SBNO1: variants seen among roughly 807,000 people sequenced by gnomAD.
The protein encoded by SBNO1 is strawberry notch homolog 1.
A neutral mutation model predicts 173.6 loss-of-function variants in SBNO1; 23 were observed. The ratio of observed to expected loss-of-function variants is 0.13; its 90% CI spans 0.10 to 0.19. The LOEUF is 0.19. Among genes scored for constraint, SBNO1 ranks in the 10% least tolerant of loss-of-function variants. SBNO1 has a pLI of 1.00. For missense variants in SBNO1, 1,238 were observed against 1,671.2 expected, an observed-to-expected ratio of 0.74 and a Z score of 4.52; for synonymous variants, 632 against 571.5, an observed-to-expected ratio of 1.11 and a Z score of -1.51.
rs2048516507 is a variant in SBNO1, at chr12:123,291,751, AG to A, written c.*4156del. ...TCAAGAAAAGAATAAATAGAGCTGA[AG>A]GGAAGAGGGAAAAGGGAGAAACAGG... On this transcript the variant is annotated 3_prime_UTR_variant, in exon 32 of 32. Coordinates refer to ENST00000602398, the MANE Select transcript of SBNO1 (RefSeq NM_001167856.3). 6.6e-6 allele frequency: 1 copy of A among 151,336 alleles called. No homozygotes were observed. The highest frequency in any genetic ancestry group is 2.1e-4 in the South Asian group (1 of 4,794). 9.4% of individuals were successfully genotyped at this position (151,336 alleles called of 1,614,324 possible).
chr12:123,338,913 C>G (rs75515601), intron 5 of SBNO1, among the ~76,000 whole-genome samples: 1 of 2,570 alleles, frequency 3.9e-4, no homozygotes, highest in Admixed American at 4.1e-3. Flanking sequence ...CACACACACG[C>G]CCCCCCCCCC....
intron 14 of SBNO1, 60 bp downstream of exon 14, chr12:123,326,092 A>G: frequency 8.6e-7 from 1 of 1,156,290 alleles, no homozygotes; most frequent in Non-Finnish European, 1.2e-6. Flanking sequence ...AAACCTCAGC[A>G]CCCACAAAGA....
chr12:123,316,758 A>G (rs117388497), intron 21 of SBNO1, among the ~76,000 whole-genome samples: 4,362 of 145,462 alleles, frequency 0.03, 87 homozygotes, highest in Middle Eastern at 0.05. Flanking sequence ...GCTGGAGTGC[A>G]ATAGCGTGAT....
chr12:123,289,960 C>T lies in SBNO1; in HGVS notation c.*5948G>A, dbSNP rs537606827. ...AAGGGCAGGGTACTGGTTAGGGGCC[C>T]GCAGTGGAAAAGCCAGACAGGTTCT... On this transcript the variant is annotated 3_prime_UTR_variant, in exon 32 of 32. Transcript: ENST00000602398. The T allele has an allele frequency of 6.6e-6, 1 of 152,370 alleles. No homozygotes were observed. Among genetic ancestry groups the T allele is most frequent in the South Asian group, 2.1e-4 (1 of 4,834 alleles). The allele number at this position is 152,370 out of a possible 1,614,324, so 9.4% of individuals were successfully genotyped here.
In SBNO1 at chr12:123,309,704, A is replaced by G. The variant is rs745799190; in HGVS notation, c.3442+6T>C. 6.2e-7 allele frequency: 1 copy of G among 1,610,722 alleles called. No homozygotes were observed. The highest frequency in any genetic ancestry group is 8.5e-7 in the Non-Finnish European group (1 of 1,178,810). ...ACATTGTGGGGGGGAAATTTTCCCT[A>G]CTTACCTAAGATTCCCATATCATAT... On this transcript the variant is annotated splice_donor_region_variant and intron_variant, in intron 26 of 31. Coordinates refer to ENST00000602398, the MANE Select transcript of SBNO1 (RefSeq NM_001167856.3).
intron 22 of SBNO1, 26 bp from the exon 23 acceptor site, chr12:123,315,470 A>G (rs1255559963): frequency 6.2e-7 from 1 of 1,601,208 alleles, no homozygotes; most frequent in Non-Finnish European, 8.6e-7. Flanking sequence ...ATTTCAATCA[A>G]GGCACAGGTA....
intron 1 of SBNO1, among the ~76,000 whole-genome samples, chr12:123,354,847 GTCTC>G (rs1463515905): frequency 1.4e-5 from 2 of 141,664 alleles, no homozygotes; most frequent in African/African-American, 5.3e-5. Flanking sequence ...ACCACGGAAG[GTCTC>G]TCTCTCAAAC....
intron 28 of SBNO1, among the ~76,000 whole-genome samples, chr12:123,306,467 T>C (rs1185527276): frequency 2.6e-5 from 4 of 152,194 alleles, no homozygotes; most frequent in Non-Finnish European, 4.4e-5. Context: ...GGACCAGTAT[T>C]ATCACATCCT....
rs1006168792 is a variant in SBNO1, at chr12:123,295,647, C to T, written c.*261G>A. The T allele has an allele frequency of 7.0e-6, 3 of 426,282 alleles. No individual in the cohort carries two copies. The highest frequency in any genetic ancestry group is 2.0e-5 in the African/African-American group (1 of 50,646). 26.4% of individuals were successfully genotyped at this position (426,282 alleles called of 1,614,324 possible). A position where few individuals can be genotyped will look rare whatever the true frequency, so the allele number is the denominator to read the frequency against. On this transcript the variant is annotated 3_prime_UTR_variant, in exon 32 of 32. Coordinates refer to ENST00000602398, the MANE Select transcript of SBNO1 (RefSeq NM_001167856.3). ...ACAGACTGACACACACGCACACACACATCCCCCTCTGCTCACCCGAAGTAA... is the reference window on the plus strand; with the variant it reads ...ACAGACTGACACACACGCACACACATATCCCCCTCTGCTCACCCGAAGTAA...
At chr12:123,299,681 CAAA>C (rs538218167) in intron 30 of SBNO1, among the ~76,000 whole-genome samples, 1 of 93,894 alleles carries the variant, frequency 1.1e-5, no homozygotes, top group Admixed American at 1.3e-4. Flanking sequence ...ACTCTGTCTT[CAAA>C]AAAAAAAAAA....
At chr12:123,362,328 T>C (rs1274140246) in intron 1 of SBNO1, among the ~76,000 whole-genome samples, 2 of 140,380 alleles carry the variant, frequency 1.4e-5, no homozygotes, top group African/African-American at 5.4e-5. Context: ...CCCAGCTACT[T>C]GGGAGGCTGA....
Position 123,364,814 on chromosome 12 carries a change from C to A in SBNO1, c.-114G>T. On this transcript the variant is annotated 5_prime_UTR_variant, in exon 1 of 32. Transcript: ENST00000602398. Reference sequence around the variant, plus strand: ...GCGGCGGCAGCAGCGGCGTCCTGCTCTGCCTACCTCCCCGCCGCCATCTTG... The same window carrying A: ...GCGGCGGCAGCAGCGGCGTCCTGCTATGCCTACCTCCCCGCCGCCATCTTG... 1.0e-6 allele frequency: 1 copy of A among 979,720 alleles called. No individual in the cohort carries two copies. The highest frequency in any genetic ancestry group is 4.6e-5 in the South Asian group (1 of 21,516). The allele number at this position is 979,720 out of a possible 1,614,324, so 60.7% of individuals were successfully genotyped here.
At chr12:123,300,600 G>C (rs913655227) in intron 30 of SBNO1, among the ~76,000 whole-genome samples, 2 of 151,748 alleles carry the variant, frequency 1.3e-5, no homozygotes, top group African/African-American at 2.4e-5. Flanking sequence ...GGAGCTTGCA[G>C]TGAGCCGAGA....
intron 25 of SBNO1, among the ~76,000 whole-genome samples, chr12:123,310,527 C>T (rs1056959936): frequency 2.7e-5 from 4 of 150,924 alleles, no homozygotes; most frequent in Non-Finnish European, 5.9e-5. Flanking sequence ...CCACCGCGCC[C>T]GACCAATTTT....
At chr12:123,339,505 AC>A (rs1294677843) in intron 5 of SBNO1, among the ~76,000 whole-genome samples, 2 of 151,518 alleles carry the variant, frequency 1.3e-5, no homozygotes, top group African/African-American at 4.9e-5. Context: ...AGTCCTTCAA[AC>A]TCAATTCAGC....
rs557150787 is a variant in SBNO1, at chr12:123,311,590, G to C, written c.3221-461C>G. 7.3e-5 allele frequency among the ~76,000 whole-genome samples: 11 copies of C among 151,366 alleles called. No individual in the cohort carries two copies. In the South Asian group the frequency reaches 2.3e-3, roughly 32 times the overall value. ...GGCTGGTCTCAAACTCCTAACCTCC[G>C]GAGATCCACCCGGCTCGGCCTCCCA... is the stretch of plus-strand genomic sequence containing the variant. On this transcript the variant is annotated intron_variant, in intron 24 of 31. Transcript: ENST00000602398.
chr12:123,332,903 T>C (rs1871380139), intron 7 of SBNO1, among the ~76,000 whole-genome samples: 1 of 151,928 alleles, frequency 6.6e-6, no homozygotes, highest in South Asian at 2.1e-4. Context: ...GATGGGTGGA[T>C]CATGAGGTCA....
intron 1 of SBNO1, chr12:123,363,977 C>T (rs1338551793): frequency 1.0e-6 from 1 of 985,562 alleles, no homozygotes; most frequent in Non-Finnish European, 1.2e-6. Flanking sequence ...TTGGGGAACT[C>T]TGGATGCTCG....
rs1031366856 is a variant in SBNO1 at position 123,304,426 on chromosome 12, G to A, written c.3768+156C>T. 1.1e-5 allele frequency: 6 copies of A among 548,178 alleles called. No homozygotes were observed. In the African/African-American group the frequency reaches 1.2e-4, roughly 11 times the overall value. 34.0% of individuals were successfully genotyped at this position (548,178 alleles called of 1,614,324 possible). ...ATATTTTGCATTTTTAGTAGAGACG[G>A]GGTTTCTCCATGTTGGTCAGGCTGG... is the stretch of plus-strand genomic sequence containing the variant. On this transcript the variant is annotated intron_variant, in intron 29 of 31. Transcript: ENST00000602398.
Sources: allele counts gnomAD v4.1 joint callset (sites outside exome capture counted in the v4.1 genomes callset), GRCh38; gene constraint gnomAD v4.1.1; transcripts MANE v1.5; gene names NCBI Gene and HGNC (gene_info 2026-07-23, HGNC 2026-07-21).